GTF2IRD1: variants seen among roughly 807,000 people sequenced by gnomAD.
GTF2IRD1 encodes the protein general transcription factor II-I repeat domain-containing protein 1.
GTF2IRD1 carries 26 observed loss-of-function variants against 113.2 expected under a neutral mutation model. The ratio of observed to expected loss-of-function variants is 0.23; its 90% CI spans 0.17 to 0.32. GTF2IRD1 has a LOEUF of 0.32. GTF2IRD1 is among the 10% of genes least tolerant of loss of function. GTF2IRD1 has a pLI of 1.00. For missense variants in GTF2IRD1, 864 were observed against 1,280.8 expected (o/e 0.67, Z 4.97); for synonymous variants, 484 against 529.1 (o/e 0.91, Z 1.17).
At chr7:74,521,458 T>C (rs1488305559) in intron 7 of GTF2IRD1, among the ~76,000 whole-genome samples, 161 bp downstream of exon 7, 2 of 152,176 alleles carry the variant, frequency 1.3e-5, no homozygotes, top group Admixed American at 6.5e-5. Flanking sequence ...AGTTATCTAT[T>C]GCTGTGTGAT....
At chr7:74,557,852 A>T in intron 20 of GTF2IRD1, 130 bp downstream of exon 20, 1 of 621,510 alleles carries the variant, frequency 1.6e-6, no homozygotes, top group Non-Finnish European at 2.9e-6. Flanking sequence ...TCTTGAGCAT[A>T]TACTACGTGC....
chr7:74,598,161 T>A (rs1802534678), intron 25 of GTF2IRD1, among the ~76,000 whole-genome samples: 1 of 151,980 alleles, frequency 6.6e-6, no homozygotes. Flanking sequence ...AGGTGGAGGC[T>A]GCAGTGAGCT....
rs587697421 is a variant in GTF2IRD1, at chr7:74,564,826, TCA to T, written c.2320+5172_2320+5173del. Among the ~76,000 whole-genome samples the T allele has an allele frequency of 4.6e-3, 693 of 151,970 alleles. 2 individuals are homozygous for T. Among genetic ancestry groups the T allele is most frequent in the Non-Finnish European group, 7.9e-3 (536 of 67,910 alleles). ...GGACATCACGTTTGCCTTCAGTGCC[TCA>T]GTTTCCCCACTAAAATCTAGAGGCC... On this transcript the variant is annotated intron_variant, in intron 22 of 26. Coordinates refer to ENST00000424337, the MANE Select transcript of GTF2IRD1 (RefSeq NM_005685.4).
At position 74,544,715 on chromosome 7, in the gene GTF2IRD1, T is replaced by A. The variant is rs782139824; in HGVS notation, c.1619-40T>A. ...CGTCGGCAGTGCATGGCTTAGGAGATGATGAATGTGGCTTCCCGGCATCCT... is the reference window on the plus strand; with the variant it reads ...CGTCGGCAGTGCATGGCTTAGGAGAAGATGAATGTGGCTTCCCGGCATCCT... On this transcript the variant is annotated intron_variant, in intron 14 of 26. Transcript: ENST00000424337. The A allele has an allele frequency of 2.5e-6, 4 of 1,606,250 alleles. No individual in the cohort carries two copies. In the South Asian group the frequency reaches 4.4e-5, roughly 18 times the overall value.
intron 1 of GTF2IRD1, among the ~76,000 whole-genome samples, chr7:74,482,510 G>A (rs563481828): frequency 3.4e-4 from 51 of 152,138 alleles, no homozygotes; most frequent in Non-Finnish European, 4.4e-4. Context: ...TTACGGGTGC[G>A]AGCCACTGTT....
intron 22 of GTF2IRD1, among the ~76,000 whole-genome samples, chr7:74,574,799 A>C (rs1442722568): frequency 6.6e-6 from 1 of 151,890 alleles, no homozygotes; most frequent in Non-Finnish European, 1.5e-5. Flanking sequence ...AAAAAAAAAA[A>C]AAAACCCGGC....
intron 1 of GTF2IRD1, among the ~76,000 whole-genome samples, chr7:74,496,789 AGTCTT>A (rs1795760082): frequency 6.6e-6 from 1 of 151,934 alleles, no homozygotes; most frequent in African/African-American, 2.4e-5. Flanking sequence ...TGTCCTCTCT[AGTCTT>A]AGGAACGACA....
intron 26 of GTF2IRD1, 171 bp from the exon 27 acceptor site, chr7:74,602,194 A>G: frequency 1.5e-6 from 1 of 652,232 alleles, no homozygotes; most frequent in African/African-American, 1.8e-5. Context: ...GTGAGCCGAG[A>G]TTGCATCACT....
chr7:74,583,859 A>G (rs1201943792), intron 22 of GTF2IRD1, among the ~76,000 whole-genome samples: 1 of 152,116 alleles, frequency 6.6e-6, no homozygotes, highest in African/African-American at 2.4e-5. Flanking sequence ...CTCACCGCTC[A>G]CAACTGCCTT....
At chr7:74,491,139 C>G (rs1272076727) in intron 1 of GTF2IRD1, among the ~76,000 whole-genome samples, 1 of 151,894 alleles carries the variant, frequency 6.6e-6, no homozygotes, top group Non-Finnish European at 1.5e-5. Context: ...AACCCCATCT[C>G]TACTAAAAAT....
At chr7:74,546,618 T>C (rs1264466583) in intron 16 of GTF2IRD1, among the ~76,000 whole-genome samples, 1 of 152,122 alleles carries the variant, frequency 6.6e-6, no homozygotes, top group African/African-American at 2.4e-5. Context: ...GTGTGACTCG[T>C]CCAAGGCCCC....
At position 74,474,646 on chromosome 7, in the gene GTF2IRD1, T is replaced by G. The variant is rs1446273218; in HGVS notation, c.-7+20470T>G. ...TGCTCAGCCTTTCTGAGCCTCTACA[T>G]CCTCATCTGTAAAATGGGGAGAGTA... is the stretch of plus-strand genomic sequence containing the variant. On this transcript the variant is annotated intron_variant, in intron 1 of 26. Coordinates refer to ENST00000424337, the MANE Select transcript of GTF2IRD1 (RefSeq NM_005685.4). Among the ~76,000 whole-genome samples, 3 of 152,308 alleles carry G rather than the reference T, an allele frequency of 2.0e-5. No homozygotes were observed. The East Asian group carries it at 5.8e-4, about 29-fold the overall frequency.
At position 74,566,037 on chromosome 7, in the gene GTF2IRD1, A is replaced by ACACACACACC. The variant is rs1491121434; in HGVS notation, c.2320+6383_2320+6384insACACACACCC. Among the ~76,000 whole-genome samples the ACACACACACC allele has an allele frequency of 3.3e-3, 498 of 151,004 alleles. 3 individuals are homozygous for ACACACACACC. Among genetic ancestry groups the ACACACACACC allele is most frequent in the African/African-American group, 0.011 (460 of 41,108 alleles). ...CACACACACACACACACACACACAC[A>ACACACACACC]CCCTAAAGAGAAATGCAAATATATG... is the stretch of plus-strand genomic sequence containing the variant. On this transcript the variant is annotated intron_variant, in intron 22 of 26. Transcript: ENST00000424337.
intron 1 of GTF2IRD1, among the ~76,000 whole-genome samples, chr7:74,484,606 C>T (rs1398668981): frequency 1.3e-5 from 2 of 151,988 alleles, no homozygotes; most frequent in African/African-American, 2.4e-5. Flanking sequence ...TTACAGGCAC[C>T]TGCCACCACA....
intron 22 of GTF2IRD1, among the ~76,000 whole-genome samples, chr7:74,583,855 G>A (rs1250655441): frequency 1.3e-5 from 2 of 152,018 alleles, no homozygotes; most frequent in African/African-American, 2.4e-5. Flanking sequence ...CTTACTCACC[G>A]CTCACAACTG....
At chr7:74,521,118 C>T (rs2130300437) in intron 6 of GTF2IRD1, 90 bp from the exon 7 acceptor site, 7 of 732,686 alleles carry the variant, frequency 9.6e-6, no homozygotes, top group Non-Finnish European at 2.4e-6. Context: ...GAGGCTGTTA[C>T]CCCAGAGCCA....
chr7:74,456,348 T>A (rs1792970402), intron 1 of GTF2IRD1, among the ~76,000 whole-genome samples: 1 of 152,114 alleles, frequency 6.6e-6, no homozygotes, highest in Admixed American at 6.6e-5. Flanking sequence ...TCATTCAGGG[T>A]CTAGTCTCTG....
chr7:74,583,224 A>G (rs587686793), intron 22 of GTF2IRD1, among the ~76,000 whole-genome samples: 2 of 152,006 alleles, frequency 1.3e-5, no homozygotes, highest in South Asian at 4.2e-4. Context: ...GATCTAGCTC[A>G]GTCACCCAGG....
chr7:74,500,193 A>G (rs559300517), intron 1 of GTF2IRD1, among the ~76,000 whole-genome samples: 1 of 152,178 alleles, frequency 6.6e-6, no homozygotes. Context: ...AACCGCTGCC[A>G]CAAATGACCT....
Sources: gnomAD v4.1 joint callset for allele counts (sites outside exome capture counted in the v4.1 genomes callset) on GRCh38, gnomAD v4.1.1 for gene constraint, MANE v1.5 for transcripts, NCBI Gene and HGNC (gene_info 2026-07-23, HGNC 2026-07-21) for gene names.